WIF1: variants seen among roughly 807,000 people sequenced by gnomAD.
The protein encoded by WIF1 is Wnt inhibitory factor 1.
A neutral mutation model predicts 53.5 loss-of-function variants in WIF1; 35 were observed. The observed-to-expected ratio is 0.65, with a 90% CI of 0.50 to 0.87. WIF1 has a LOEUF of 0.87. Among genes scored for constraint, WIF1 ranks in the 40% least tolerant of loss-of-function variants. WIF1 has a pLI of 0.00. For synonymous variants in WIF1, 171 were observed against 170.4 expected (o/e 1.00, Z -0.03); for missense variants, 467 against 476.8 (o/e 0.98, Z 0.19).
chr12:65,118,429 T>C (rs1277064875), intron 2 of WIF1, among the ~76,000 whole-genome samples: 2 of 152,198 alleles, frequency 1.3e-5, no homozygotes, highest in Non-Finnish European at 2.9e-5. Flanking sequence ...TTTTAAAGCA[T>C]CTTGCTGCTT....
chr12:65,082,383 C>T lies in WIF1; in HGVS notation c.289-4529G>A, dbSNP rs75410775. ...CTAAAACCTCTATTAGGAAAAAGTACATTTTGTTCCATTAAATGACACTAG... is the reference window on the plus strand; with the variant it reads ...CTAAAACCTCTATTAGGAAAAAGTATATTTTGTTCCATTAAATGACACTAG... On this transcript the variant is annotated intron_variant, in intron 2 of 9. Coordinates refer to ENST00000286574, the MANE Select transcript of WIF1 (RefSeq NM_007191.5). 4.9e-4 allele frequency among the ~76,000 whole-genome samples: 74 copies of T among 152,180 alleles called. No homozygotes were observed. The East Asian group carries it at 0.013, about 27-fold the overall frequency.
At chr12:65,107,706 C>A (rs927695751) in intron 2 of WIF1, among the ~76,000 whole-genome samples, 9 of 152,308 alleles carry the variant, frequency 5.9e-5, no homozygotes, top group African/African-American at 1.9e-4. Flanking sequence ...GTGGCACATC[C>A]ATTATTGATA....
At chr12:65,073,902 A>G (rs1022320247) in intron 3 of WIF1, among the ~76,000 whole-genome samples, 1 of 152,090 alleles carries the variant, frequency 6.6e-6, no homozygotes, top group Non-Finnish European at 1.5e-5. Flanking sequence ...GGAGTTGTAT[A>G]TGCAAAGGAT....
At chr12:65,067,638 T>G in intron 5 of WIF1, 57 bp downstream of exon 5, 2 of 1,532,208 alleles carry the variant, frequency 1.3e-6, no homozygotes, top group South Asian at 1.1e-5. Context: ...ATGGGGCTCC[T>G]GCACGACATC....
At chr12:65,107,220 T>C (rs1883364257) in intron 2 of WIF1, among the ~76,000 whole-genome samples, 1 of 152,344 alleles carries the variant, frequency 6.6e-6, no homozygotes, top group Non-Finnish European at 1.5e-5. Context: ...TCAATCCTAA[T>C]TGAGTTCTAA....
At chr12:65,082,109 A>G (rs1425100772) in intron 2 of WIF1, among the ~76,000 whole-genome samples, 1 of 152,210 alleles carries the variant, frequency 6.6e-6, no homozygotes, top group East Asian at 1.9e-4. Context: ...TGAACAATAT[A>G]TTTACGCCAT....
At chr12:65,068,092 G>A (rs1882715793) in intron 4 of WIF1, among the ~76,000 whole-genome samples, 1 of 152,034 alleles carries the variant, frequency 6.6e-6, no homozygotes, top group Non-Finnish European at 1.5e-5. Flanking sequence ...AATTCCCACT[G>A]CAATTGAATG....
At chr12:65,118,677 G>A (rs939634151) in intron 2 of WIF1, among the ~76,000 whole-genome samples, 2 of 152,188 alleles carry the variant, frequency 1.3e-5, no homozygotes, top group African/African-American at 4.8e-5. Context: ...CTAATTCCCT[G>A]CAGGACATAT....
intron 2 of WIF1, among the ~76,000 whole-genome samples, chr12:65,098,843 C>A (rs1021413031): frequency 2.0e-5 from 3 of 152,128 alleles, no homozygotes; most frequent in Non-Finnish European, 2.9e-5. Context: ...AACATGTGCC[C>A]TTTAGCCAGC....
In WIF1 at chr12:65,059,591, T is replaced by G. The variant is rs1366789281; in HGVS notation, c.826+2890A>C. On this transcript the variant is annotated intron_variant, in intron 7 of 9. Coordinates refer to ENST00000286574, the MANE Select transcript of WIF1 (RefSeq NM_007191.5). The stretch of plus-strand genomic sequence containing the variant: ...CCAGATACCTCTAACCATAGTTTTG[T>G]TAACCTACAAGCATATCTCACAATC... 7.9e-5 allele frequency among the ~76,000 whole-genome samples: 12 copies of G among 152,178 alleles called. 1 individual carries two copies. Among genetic ancestry groups the G allele is most frequent in the Admixed American group, 7.9e-4 (12 of 15,280 alleles).
At position 65,110,298 on chromosome 12, in the gene WIF1, C is replaced by T. The variant is rs1053119721; in HGVS notation, c.288+10119G>A. 4.7e-5 allele frequency among the ~76,000 whole-genome samples: 7 copies of T among 149,660 alleles called. 2 individuals carry two copies. Among genetic ancestry groups the T allele is most frequent in the Admixed American group, 4.7e-4 (7 of 14,974 alleles). On this transcript the variant is annotated intron_variant, in intron 2 of 9. Coordinates refer to ENST00000286574, the MANE Select transcript of WIF1 (RefSeq NM_007191.5). ...AATATTCTCCTTTCCACACAACAAGCCCCAGCCTCATTAACATTTCCCAGA... is the reference window on the plus strand; with the variant it reads ...AATATTCTCCTTTCCACACAACAAGTCCCAGCCTCATTAACATTTCCCAGA...
intron 3 of WIF1, among the ~76,000 whole-genome samples, chr12:65,071,620 T>C (rs1036169102): frequency 6.6e-6 from 1 of 152,206 alleles, no homozygotes; most frequent in Non-Finnish European, 1.5e-5. Context: ...CTAATTTTAT[T>C]TGTGCATAAT....
At chr12:65,113,462 A>G (rs1179298408) in intron 2 of WIF1, among the ~76,000 whole-genome samples, 1 of 152,194 alleles carries the variant, frequency 6.6e-6, no homozygotes, top group East Asian at 1.9e-4. Flanking sequence ...GGGTGCCAGC[A>G]GAGGGTTTGT....
intron 2 of WIF1, among the ~76,000 whole-genome samples, chr12:65,087,453 A>C (rs1355443161): frequency 6.6e-6 from 1 of 152,210 alleles, no homozygotes; most frequent in Admixed American, 6.5e-5. Flanking sequence ...GATAAAAAGT[A>C]AATGTCAAAA....
chr12:65,053,314 G>A (rs1258729516), intron 9 of WIF1, among the ~76,000 whole-genome samples: 1 of 152,130 alleles, frequency 6.6e-6, no homozygotes, highest in African/African-American at 2.4e-5. Flanking sequence ...GTGGCTTAGT[G>A]TAGTGATATG....
At chr12:65,054,264 A>G (rs1019056481) in intron 9 of WIF1, 2 of 151,768 alleles carry the variant, frequency 1.3e-5, no homozygotes, top group African/African-American at 4.8e-5. Flanking sequence ...CCTTTTTTCA[A>G]ACTAAAGTGG....
chr12:65,095,107 A>T (rs1421322165), intron 2 of WIF1, among the ~76,000 whole-genome samples: 1 of 139,568 alleles, frequency 7.2e-6, no homozygotes, highest in South Asian at 2.3e-4. Context: ...TAATTTTTGT[A>T]TTTTTTTTTT....
chr12:65,116,628 T>C (rs182651292), intron 2 of WIF1, among the ~76,000 whole-genome samples: 1 of 151,678 alleles, frequency 6.6e-6, no homozygotes, highest in Non-Finnish European at 1.5e-5. Flanking sequence ...CCATCCCCCA[T>C]CCTGTTCATA....
At chr12:65,060,033 A>C (rs1224046558) in intron 7 of WIF1, among the ~76,000 whole-genome samples, 1 of 151,710 alleles carries the variant, frequency 6.6e-6, no homozygotes, top group Non-Finnish European at 1.5e-5. Flanking sequence ...TAAAAAAAAA[A>C]CAAAAAACAA....
Sources: allele counts gnomAD v4.1 joint callset (sites outside exome capture counted in the v4.1 genomes callset), GRCh38; gene constraint gnomAD v4.1.1; transcripts MANE v1.5; gene names NCBI Gene and HGNC (gene_info 2026-07-23, HGNC 2026-07-21).